Variants in FLNB observed in about 807,000 individuals in gnomAD.
FLNB encodes the protein filamin B.
In FLNB, 111 loss-of-function variants were observed where a neutral mutation model predicts 250.6. The ratio of observed to expected loss-of-function variants is 0.44; its 90% CI spans 0.38 to 0.52. The LOEUF is 0.52. Among genes scored for constraint, FLNB ranks in the 20% least tolerant of loss-of-function variants. FLNB has a pLI of 0.00. For synonymous variants in FLNB, 1,302 were observed against 1,372.1 expected (o/e 0.95, Z 1.13); for missense variants, 2,869 against 3,447.8 (o/e 0.83, Z 4.20).
intron 4 of FLNB, among the ~76,000 whole-genome samples, chr3:58,088,692 G>A (rs2107007517): frequency 6.6e-6 from 1 of 152,294 alleles, no homozygotes; most frequent in South Asian, 2.1e-4. Context: ...AGAAGACCAG[G>A]AAAGGGCAGC....
chr3:58,088,204 C>T (rs1192283522), intron 4 of FLNB, among the ~76,000 whole-genome samples: 2 of 151,828 alleles, frequency 1.3e-5, no homozygotes, highest in Non-Finnish European at 2.9e-5. Flanking sequence ...TCTACCATCA[C>T]ACCTGGCTAA....
intron 1 of FLNB, among the ~76,000 whole-genome samples, chr3:58,048,392 C>T (rs765654191): frequency 1.2e-4 from 19 of 152,182 alleles, no homozygotes; most frequent in Non-Finnish European, 1.9e-4. Context: ...GCCAGCATCC[C>T]GGTGATGCCA....
chr3:58,042,382 C>G (rs1376221916), intron 1 of FLNB, among the ~76,000 whole-genome samples: 2 of 140,460 alleles, frequency 1.4e-5, no homozygotes, highest in Non-Finnish European at 1.5e-5. Context: ...GGGTCTTACT[C>G]TGTCACCCAG....
chr3:58,107,406 T>C (rs572689812), intron 12 of FLNB, among the ~76,000 whole-genome samples: 49 of 152,304 alleles, frequency 3.2e-4, no homozygotes, highest in African/African-American at 1.2e-3. Flanking sequence ...CCTATCTGAC[T>C]CTTGGTGTCT....
At chr3:58,028,611 C>T (rs7642772) in intron 1 of FLNB, among the ~76,000 whole-genome samples, 4 of 145,986 alleles carry the variant, frequency 2.7e-5, no homozygotes, top group East Asian at 2.0e-4. Flanking sequence ...ATTTTTTTTT[C>T]TTTTCTTTTT....
chr3:58,120,173 C>A (rs1192490757), intron 19 of FLNB, among the ~76,000 whole-genome samples: 1 of 152,210 alleles, frequency 6.6e-6, no homozygotes, highest in Non-Finnish European at 1.5e-5. Flanking sequence ...AAGGCCAGCT[C>A]CCAGTTGCAG....
Position 58,169,425 on chromosome 3 carries a change from G to C in FLNB, c.7418-165G>C. Reference sequence around the variant, plus strand: ...TAGTTGTATGGGGGTGGGATCCTAGGGGTTTAGAAGACATTATGGGTGTGA... The same window carrying C: ...TAGTTGTATGGGGGTGGGATCCTAGCGGTTTAGAAGACATTATGGGTGTGA... On this transcript the variant is annotated intron_variant, in intron 44 of 45. Transcript: ENST00000295956. This position sits in a 1 kb window ranked among gnomAD's most constrained non-coding sequence, Gnocchi z 4.8. 1.5e-6 allele frequency: 1 copy of C among 673,752 alleles called. No individual in the cohort carries two copies. The highest frequency in any genetic ancestry group is 2.7e-6 in the Non-Finnish European group (1 of 367,274). 41.7% of individuals were successfully genotyped at this position (673,752 alleles called of 1,614,324 possible). A position where few individuals can be genotyped will look rare whatever the true frequency, so the allele number is the denominator to read the frequency against.
intron 38 of FLNB, among the ~76,000 whole-genome samples, chr3:58,151,698 AAG>A (rs766646969): frequency 3.9e-5 from 6 of 152,224 alleles, no homozygotes; most frequent in African/African-American, 1.4e-4. Context: ...GTGATAGAAA[AAG>A]AGAGATTCCA....
chr3:58,041,642 G>A (rs916633539), intron 1 of FLNB, among the ~76,000 whole-genome samples: 5 of 152,310 alleles, frequency 3.3e-5, no homozygotes, highest in South Asian at 4.1e-4. Flanking sequence ...TCACTGGGCC[G>A]GGAAGACAAG....
chr3:58,008,491 C>A lies in FLNB; in HGVS notation c.-74C>A. On this transcript the variant is annotated 5_prime_UTR_variant, in exon 1 of 46. Coordinates refer to ENST00000295956, the MANE Select transcript of FLNB (RefSeq NM_001457.4). ...CGCTCCCGCTCCGCTTCGGTTCTCG[C>A]TCCTTCGGCCCTTGGGCCTCCAAAC... 6.6e-7 allele frequency: 1 copy of A among 1,510,134 alleles called. No homozygotes were observed. The highest frequency in any genetic ancestry group is 9.0e-7 in the Non-Finnish European group (1 of 1,111,442). The allele number at this position is 1,510,134 out of a possible 1,614,324, so 93.5% of individuals were successfully genotyped here.
intron 1 of FLNB, among the ~76,000 whole-genome samples, chr3:58,028,187 G>T (rs1433765010): frequency 1.3e-5 from 2 of 152,290 alleles, no homozygotes; most frequent in Non-Finnish European, 1.5e-5. Context: ...TGTGCCAGGG[G>T]TGTAGAGGGG....
chr3:58,085,277 G>T (rs1156262342), intron 4 of FLNB, among the ~76,000 whole-genome samples: 1 of 70,658 alleles, frequency 1.4e-5, no homozygotes, highest in African/African-American at 7.7e-5. Context: ...GCTTTTTAAA[G>T]TAGGAGACAA....
chr3:58,134,534 T>C, intron 26 of FLNB, 82 bp from the exon 27 acceptor site: 1 of 1,517,394 alleles, frequency 6.6e-7, no homozygotes, highest in African/African-American at 1.4e-5. Flanking sequence ...TCCATCCCAC[T>C]CTTATGTGTA....
intron 24 of FLNB, among the ~76,000 whole-genome samples, chr3:58,129,139 T>G (rs1553702484): frequency 6.6e-6 from 1 of 151,708 alleles, no homozygotes; most frequent in Non-Finnish European, 1.5e-5. Flanking sequence ...AAACCCGGAG[T>G]GGAGTTATTT....
Position 58,108,370 on chromosome 3 carries a change from T to G in FLNB, c.1942-88T>G, listed in dbSNP as rs893643561. 9.5e-6 allele frequency: 8 copies of G among 846,316 alleles called. No individual in the cohort carries two copies. The African/African-American group carries it at 1.3e-4, about 14-fold the overall frequency. The allele number at this position is 846,316 out of a possible 1,614,324, so 52.4% of individuals were successfully genotyped here. ...AAACCAGACACAGGTCATTTTGTTCTTCCCCCACCCCCTGGTTACCTGTCT... is the reference window on the plus strand; with the variant it reads ...AAACCAGACACAGGTCATTTTGTTCGTCCCCCACCCCCTGGTTACCTGTCT... On this transcript the variant is annotated intron_variant, in intron 12 of 45. Coordinates refer to ENST00000295956, the MANE Select transcript of FLNB (RefSeq NM_001457.4).
chr3:58,089,740 A>G (rs2097223127), intron 4 of FLNB, among the ~76,000 whole-genome samples: 1 of 152,208 alleles, frequency 6.6e-6, no homozygotes, highest in South Asian at 2.1e-4. Flanking sequence ...GATAAGCGCA[A>G]TAGCAGGGTG....
intron 1 of FLNB, among the ~76,000 whole-genome samples, chr3:58,041,991 C>G (rs1475568633): frequency 6.6e-6 from 1 of 152,188 alleles, no homozygotes; most frequent in Non-Finnish European, 1.5e-5. Flanking sequence ...GAGATTTTAG[C>G]ATTCTTGAAG....
At chr3:58,145,878 C>G in intron 32 of FLNB, 43 bp from the exon 33 acceptor site, 1 of 1,613,728 alleles carries the variant, frequency 6.2e-7, no homozygotes, top group Non-Finnish European at 8.5e-7. Flanking sequence ...TTCGTTCACC[C>G]CTTAATGAGC....
intron 1 of FLNB, among the ~76,000 whole-genome samples, chr3:58,024,409 A>G (rs2097119688): frequency 6.6e-6 from 1 of 152,108 alleles, no homozygotes; most frequent in Non-Finnish European, 1.5e-5. Flanking sequence ...TGCCCCATGA[A>G]TGGTGGTCAT....
Sources: gnomAD v4.1 joint callset for allele counts (sites outside exome capture counted in the v4.1 genomes callset) on GRCh38, gnomAD v4.1.1 for gene constraint, Gnocchi (gnomAD v3.1) non-coding constraint, MANE v1.5 for transcripts, NCBI Gene and HGNC (gene_info 2026-07-23, HGNC 2026-07-21) for gene names.